Variants in RBFOX2 observed in about 807,000 individuals in gnomAD.
RBFOX2 encodes RNA binding fox-1 homolog 2, also known as RNA binding protein fox-1 homolog 2.
A neutral mutation model predicts 49.1 loss-of-function variants in RBFOX2; 10 were observed. The observed-to-expected ratio is 0.20, with a 90% CI of 0.13 to 0.35. The LOEUF is 0.35. RBFOX2 is among the 10% of genes least tolerant of loss of function. RBFOX2 has a pLI of 1.00. For synonymous variants in RBFOX2, 183 were observed against 187.4 expected (o/e 0.98, Z 0.19); for missense variants, 323 against 486.9 (o/e 0.66, Z 3.17).
chr22:35,890,464 G>A lies in RBFOX2; in HGVS notation c.-34+48383C>T, dbSNP rs565751477. 1.2e-4 allele frequency among the ~76,000 whole-genome samples: 18 copies of A among 152,222 alleles called. 1 individual carries two copies. In the East Asian group the frequency reaches 2.7e-3, roughly 23 times the overall value. ...TTATATACTATAATAAAAGTTACAC[G>A]AATGTGGTTTCTTTATCTCTCTCAA... On this transcript the variant is annotated intron_variant, in intron 1 of 13. Transcript: ENST00000359369.
rs150203431 is a variant in RBFOX2 at position 35,977,090 on chromosome 22, C to T, written c.187-38193G>A. Among the ~76,000 whole-genome samples, 46 of 151,806 alleles carry T rather than the reference C, an allele frequency of 3.0e-4. 1 individual carries two copies. The East Asian group carries it at 8.3e-3, about 27-fold the overall frequency. On this transcript the variant is annotated intron_variant, in intron 1 of 13. Coordinates refer to the RBFOX2 transcript ENST00000438146. ...AAATATGCAAATGAAAGATGCTAAA[C>T]ATCATTAATATTTAGGAAAATACAA...
chr22:35,949,106 T>C (rs1033754554), intron 1 of RBFOX2, among the ~76,000 whole-genome samples: 5 of 152,222 alleles, frequency 3.3e-5, no homozygotes, highest in African/African-American at 1.2e-4. Context: ...ACTGCACTTA[T>C]CTCACTTACC....
intron 1 of RBFOX2, among the ~76,000 whole-genome samples, chr22:35,817,054 C>T (rs958410950): frequency 6.6e-6 from 1 of 151,968 alleles, no homozygotes; most frequent in Non-Finnish European, 1.5e-5. Context: ...GTTTGGGTCC[C>T]ACATTCTGAG....
rs1470296355 is a variant in RBFOX2, at chr22:35,983,874, TTCC to T, written c.186+44363_186+44365del. On this transcript the variant is annotated intron_variant, in intron 1 of 13. Transcript: ENST00000438146. ...TGAATAATTTGGAATCCAAGCTCTCTTCCTCCTCAACGACCAGGCACACTCTGT... is the reference window on the plus strand; with the variant it reads ...TGAATAATTTGGAATCCAAGCTCTCTTCCTCAACGACCAGGCACACTCTGT... 2.6e-5 allele frequency among the ~76,000 whole-genome samples: 4 copies of T among 152,288 alleles called. No homozygotes were observed. The South Asian group carries it at 6.2e-4, about 24-fold the overall frequency.
chr22:35,933,942 A>ATT (rs2052733203), intron 1 of RBFOX2, among the ~76,000 whole-genome samples: 1 of 142,080 alleles, frequency 7.0e-6, no homozygotes, highest in African/African-American at 2.8e-5. Context: ...ATATATATAT[A>ATT]TATATATATA....
chr22:35,952,994 G>A (rs1283345436), intron 1 of RBFOX2, among the ~76,000 whole-genome samples: 5 of 151,958 alleles, frequency 3.3e-5, no homozygotes, highest in African/African-American at 7.2e-5. Flanking sequence ...GGCGGATCAC[G>A]AGGTCAGGAG....
At chr22:35,823,073 G>A (rs1420444526) in intron 1 of RBFOX2, among the ~76,000 whole-genome samples, 1 of 152,036 alleles carries the variant, frequency 6.6e-6, no homozygotes, top group Admixed American at 6.6e-5. Context: ...CGCCCGCCTC[G>A]GCCTCCCAAA....
chr22:35,802,956 T>C (rs1950047179), intron 2 of RBFOX2, among the ~76,000 whole-genome samples: 1 of 152,136 alleles, frequency 6.6e-6, no homozygotes, highest in South Asian at 2.1e-4. Flanking sequence ...GAAAGCTCAA[T>C]AAGCTTCAGG....
chr22:35,817,888 T>G (rs1411266877), intron 1 of RBFOX2, among the ~76,000 whole-genome samples: 4 of 152,046 alleles, frequency 2.6e-5, no homozygotes, highest in Admixed American at 1.3e-4. Context: ...TATGTAAATT[T>G]AAGGGCAGTT....
At position 35,915,332 on chromosome 22, in the gene RBFOX2, G is replaced by C. The variant is rs867083757; in HGVS notation, c.-34+23515C>G. Among the ~76,000 whole-genome samples, 4 of 152,180 alleles carry C rather than the reference G, an allele frequency of 2.6e-5. No individual in the cohort carries two copies. In the East Asian group the frequency reaches 7.7e-4, roughly 29 times the overall value. ...GGGGCCACTTAACTAAATTAGTTGA[G>C]GCAATGCCCTTCAATTGTAGCTAGA... On this transcript the variant is annotated intron_variant, in intron 1 of 13. Coordinates refer to the RBFOX2 transcript ENST00000359369.
At chr22:35,956,826 T>C (rs533221488) in intron 1 of RBFOX2, among the ~76,000 whole-genome samples, 3 of 152,366 alleles carry the variant, frequency 2.0e-5, no homozygotes, top group African/African-American at 7.2e-5. Flanking sequence ...TTTATTTGTA[T>C]TACCCATTTT....
chr22:35,961,716 A>C (rs1603458914), upstream of RBFOX2: 2 of 1,282,312 alleles, frequency 1.6e-6, no homozygotes, highest in East Asian at 1.1e-4. Context: ...TTCATGGAGC[A>C]GGATACACAA....
At chr22:36,018,825 GCTGGTCTCGAA>G (rs2059140820) in intron 1 of RBFOX2, among the ~76,000 whole-genome samples, 1 of 152,066 alleles carries the variant, frequency 6.6e-6, no homozygotes, top group Non-Finnish European at 1.5e-5. Context: ...TGTTGGCCAG[GCTGGTCTCGAA>G]CTTCTGACCT....
exon 12 of RBFOX2, chr22:35,744,094 T>G: frequency 1.1e-6 from 1 of 929,844 alleles, no homozygotes. Context: ...TTTGTTTGTT[T>G]GTTTGTTTTT....
At chr22:35,821,755 AC>A (rs1296407599) in intron 1 of RBFOX2, 1 of 517,250 alleles carries the variant, frequency 1.9e-6, no homozygotes, top group African/African-American at 1.9e-5. Context: ...TGCTCTGACC[AC>A]CCCCAAGCTT....
upstream of RBFOX2, among the ~76,000 whole-genome samples, chr22:35,941,218 C>T (rs1405452117): frequency 1.3e-5 from 2 of 152,050 alleles, no homozygotes; most frequent in African/African-American, 4.8e-5. Flanking sequence ...TTCCGAAATG[C>T]ACAAGTGCCT....
At chr22:35,863,390 A>G (rs2043313496) in intron 1 of RBFOX2, among the ~76,000 whole-genome samples, 2 of 152,182 alleles carry the variant, frequency 1.3e-5, no homozygotes, top group African/African-American at 2.4e-5. Context: ...AGCAGGCAAC[A>G]TGTTCTCTCT....
intron 1 of RBFOX2, among the ~76,000 whole-genome samples, chr22:36,018,815 T>C (rs1456721597): frequency 6.6e-6 from 1 of 152,202 alleles, no homozygotes; most frequent in Non-Finnish European, 1.5e-5. Context: ...GGTTTCATCA[T>C]GTTGGCCAGG....
At chr22:35,920,045 T>A (rs1477237388) in intron 1 of RBFOX2, among the ~76,000 whole-genome samples, 1 of 152,056 alleles carries the variant, frequency 6.6e-6, no homozygotes, top group Non-Finnish European at 1.5e-5. Context: ...GCTAAACACC[T>A]GCCACACCAT....
Sources: allele counts gnomAD v4.1 joint callset (sites outside exome capture counted in the v4.1 genomes callset), GRCh38; gene constraint gnomAD v4.1.1; transcripts MANE v1.5; gene names NCBI Gene and HGNC (gene_info 2026-07-23, HGNC 2026-07-21).